The following GALNT10 variants were observed in gnomAD, a reference collection of about 807,000 sequenced individuals.
GALNT10 encodes the protein polypeptide N-acetylgalactosaminyltransferase 10.
In GALNT10, 41 loss-of-function variants were observed where a neutral mutation model predicts 75.0. That is an observed-to-expected ratio of 0.55 (90% CI 0.43 to 0.71). GALNT10 has a LOEUF of 0.71. Among genes scored for constraint, GALNT10 ranks in the 30% least tolerant of loss-of-function variants. GALNT10 has a pLI of 0.00. For synonymous variants in GALNT10, 302 were observed against 313.0 expected (o/e 0.96, Z 0.37); for missense variants, 727 against 818.5 (o/e 0.89, Z 1.36).
intron 4 of GALNT10, among the ~76,000 whole-genome samples, chr5:154,344,970 A>C (rs1303243720): frequency 6.6e-6 from 1 of 152,216 alleles, no homozygotes; most frequent in Non-Finnish European, 1.5e-5. Flanking sequence ...GCCCACAGTC[A>C]TAGCCCCCGA....
intron 4 of GALNT10, among the ~76,000 whole-genome samples, chr5:154,353,436 A>G (rs1339440336): frequency 6.6e-6 from 1 of 151,832 alleles, no homozygotes; most frequent in African/African-American, 2.4e-5. Flanking sequence ...TTTCGTCCTC[A>G]GCACCCCACC....
intron 1 of GALNT10, chr5:154,219,690 A>T (rs918431035): frequency 1.3e-5 from 2 of 152,132 alleles, no homozygotes; most frequent in Admixed American, 1.3e-4. Flanking sequence ...GCACACGCCC[A>T]GGTGATTATA....
In GALNT10 at chr5:154,376,778, C is replaced by G. The variant is rs181645508; in HGVS notation, c.754+316C>G. Among the ~76,000 whole-genome samples, 1 of 152,114 alleles carries G rather than the reference C, an allele frequency of 6.6e-6. No individual in the cohort carries two copies. The highest frequency in any genetic ancestry group is 2.4e-5 in the African/African-American group (1 of 41,424). On this transcript the variant is annotated intron_variant, in intron 5 of 11. Transcript: ENST00000297107. The surrounding 1 kb of genome is among the most constrained non-coding windows in gnomAD (Gnocchi z 4.1). ...ACTTCATTTTATTGCAAAGCAAGCCCGTGCTGTTTGCTGTTAATAGCCAAA... is the reference window on the plus strand; with the variant it reads ...ACTTCATTTTATTGCAAAGCAAGCCGGTGCTGTTTGCTGTTAATAGCCAAA...
At chr5:154,289,977 A>G (rs764254134) in intron 1 of GALNT10, among the ~76,000 whole-genome samples, 38 of 152,210 alleles carry the variant, frequency 2.5e-4, no homozygotes, top group Non-Finnish European at 4.7e-4. Flanking sequence ...CACTATCTCT[A>G]GAAATTCCAT....
intron 3 of GALNT10, among the ~76,000 whole-genome samples, chr5:154,299,747 C>A (rs917757176): frequency 2.0e-5 from 3 of 152,108 alleles, no homozygotes; most frequent in Admixed American, 6.5e-5. Flanking sequence ...AGATGCCTGA[C>A]AGCGAGGGAA....
At chr5:154,212,828 C>A (rs1453199981) in intron 1 of GALNT10, among the ~76,000 whole-genome samples, 1 of 152,130 alleles carries the variant, frequency 6.6e-6, no homozygotes, top group African/African-American at 2.4e-5. Context: ...ATTAGCCAGG[C>A]GTGGTGACAG....
chr5:154,415,789 A>T lies in GALNT10; in HGVS notation c.1510A>T (p.Thr504Ser). ...EAAWNNMQVF[T>S]FTWREDIRPG... ...ATGATGCCCCTGTGCACAGGTATTCACCTTCACCTGGAGAGAGGACATCCG... is the reference window on the plus strand; with the variant it reads ...ATGATGCCCCTGTGCACAGGTATTCTCCTTCACCTGGAGAGAGGACATCCG... Residue 504 changes from threonine to serine, a missense_variant, in exon 11 of 12, where the codon ACC (threonine) becomes TCC (serine). Coordinates refer to ENST00000297107, the MANE Select transcript of GALNT10 (RefSeq NM_198321.4). 6.2e-7 allele frequency: 1 copy of T among 1,613,988 alleles called. No homozygotes were observed. Among genetic ancestry groups the T allele is most frequent in the Non-Finnish European group, 8.5e-7 (1 of 1,179,928 alleles).
chr5:154,312,082 C>T (rs1754528522), intron 3 of GALNT10, among the ~76,000 whole-genome samples: 1 of 146,920 alleles, frequency 6.8e-6, no homozygotes, highest in Non-Finnish European at 1.5e-5. Context: ...AGATAAATAG[C>T]ATTCAGCAAA....
chr5:154,274,312 T>C (rs1753916679), intron 1 of GALNT10, among the ~76,000 whole-genome samples: 1 of 152,172 alleles, frequency 6.6e-6, no homozygotes, highest in African/African-American at 2.4e-5. Flanking sequence ...TAAAGAGACA[T>C]TGAAATGGTG....
intron 4 of GALNT10, among the ~76,000 whole-genome samples, chr5:154,371,507 CAA>C (rs1205331205): frequency 2.1e-5 from 3 of 142,672 alleles, no homozygotes; most frequent in African/African-American, 7.6e-5. Flanking sequence ...AGACAGGAAT[CAA>C]GAGAGCCAGA....
At chr5:154,197,182 G>A (rs1774958534) in intron 1 of GALNT10, among the ~76,000 whole-genome samples, 1 of 152,146 alleles carries the variant, frequency 6.6e-6, no homozygotes, top group African/African-American at 2.4e-5. Context: ...GAGATAAAGA[G>A]CAATTGAAAG....
intron 1 of GALNT10, among the ~76,000 whole-genome samples, chr5:154,223,979 G>A (rs1198664015): frequency 1.3e-5 from 2 of 152,168 alleles, no homozygotes; most frequent in Non-Finnish European, 2.9e-5. Flanking sequence ...AGCAGCATAA[G>A]TAATGATGCA....
chr5:154,229,586 C>A (rs906381675), intron 1 of GALNT10, among the ~76,000 whole-genome samples: 4 of 151,304 alleles, frequency 2.6e-5, no homozygotes, highest in African/African-American at 9.7e-5. Context: ...AAAAAAAATT[C>A]GCCGGGCATG....
chr5:154,193,150 G>T (rs2085514026), intron 1 of GALNT10, among the ~76,000 whole-genome samples: 1 of 151,440 alleles, frequency 6.6e-6, no homozygotes, highest in Admixed American at 6.6e-5. Flanking sequence ...TGGTGAAGGG[G>T]GTTTGGGGGT....
intron 1 of GALNT10, among the ~76,000 whole-genome samples, chr5:154,264,174 G>A (rs1007001753): frequency 6.6e-6 from 1 of 152,036 alleles, no homozygotes; most frequent in African/African-American, 2.4e-5. Flanking sequence ...TTAGCCAGAC[G>A]CAGTGGTGCA....
intron 1 of GALNT10, among the ~76,000 whole-genome samples, chr5:154,270,395 G>T (rs918558984): frequency 3.3e-5 from 5 of 151,436 alleles, no homozygotes; most frequent in African/African-American, 1.2e-4. Flanking sequence ...AAGAACAAGG[G>T]CAGGGCCAGG....
chr5:154,296,624 A>T (rs1754278573), intron 2 of GALNT10, among the ~76,000 whole-genome samples: 1 of 152,148 alleles, frequency 6.6e-6, no homozygotes, highest in Non-Finnish European at 1.5e-5. Context: ...TCTAATTAAT[A>T]CAAAGGGCAA....
intron 1 of GALNT10, among the ~76,000 whole-genome samples, chr5:154,208,043 A>G (rs1775137650): frequency 4.6e-5 from 7 of 152,180 alleles, no homozygotes; most frequent in Non-Finnish European, 1.5e-5. Context: ...TCGAGGGGCC[A>G]GGGCACTCCA....
intron 1 of GALNT10, among the ~76,000 whole-genome samples, chr5:154,216,866 A>G (rs750787919): frequency 9.2e-5 from 14 of 152,124 alleles, no homozygotes; most frequent in Non-Finnish European, 2.1e-4. Flanking sequence ...ATTGCTTTTT[A>G]CTTGTGAGTA....
Sources: gnomAD v4.1 joint callset for allele counts (sites outside exome capture counted in the v4.1 genomes callset) on GRCh38, gnomAD v4.1.1 for gene constraint, Gnocchi (gnomAD v3.1) non-coding constraint, MANE v1.5 for transcripts, NCBI Gene and HGNC (gene_info 2026-07-23, HGNC 2026-07-21) for gene names.